Variants in RTN3 observed in about 807,000 individuals in gnomAD.
The protein encoded by RTN3 is reticulon 3.
RTN3 carries 49 observed loss-of-function variants against 77.8 expected under a neutral mutation model. The ratio of observed to expected loss-of-function variants is 0.63; its 90% CI spans 0.50 to 0.80. RTN3 has a LOEUF of 0.80. RTN3 is among the 30% of genes least tolerant of loss of function. RTN3 has a pLI of 0.00. For missense variants in RTN3, 1,236 were observed against 1,211.9 expected (o/e 1.02, Z -0.29); for synonymous variants, 464 against 446.9 (o/e 1.04, Z -0.48).
intron 1 of RTN3, among the ~76,000 whole-genome samples, chr11:63,693,629 C>T (rs1226984869): frequency 2.0e-5 from 3 of 152,130 alleles, no homozygotes; most frequent in Non-Finnish European, 4.4e-5. Flanking sequence ...TTCTATAAGA[C>T]CTCTATGGAA....
At chr11:63,745,812 G>GCA (rs543576559) in intron 3 of RTN3, among the ~76,000 whole-genome samples, 4 of 152,216 alleles carry the variant, frequency 2.6e-5, no homozygotes, top group Admixed American at 2.6e-4. Flanking sequence ...TTTCTAGTTT[G>GCA]CACAAAGGTC....
In RTN3 at chr11:63,720,142, G is replaced by A; in HGVS notation, c.1640G>A (p.Arg547Lys). 1 of 1,613,580 alleles carries A rather than the reference G, an allele frequency of 6.2e-7. No homozygotes were observed. Among genetic ancestry groups the A allele is most frequent in the Non-Finnish European group, 8.5e-7 (1 of 1,179,902 alleles). Residue 547 changes from arginine to lysine, a missense_variant, in exon 3 of 9, where the codon AGA becomes AAA. By Grantham distance (26) the Arg-to-Lys change is conservative. Around this residue, in one of 3 missense-constraint regions of RTN3, gnomAD observed 1,056 missense variants for 990.4 expected, o/e 1.07. Coordinates refer to ENST00000377819, the MANE Select transcript of RTN3 (RefSeq NM_001265589.2). The part of the protein sequence containing the change: ...REIKEIPSCE[R>K]EEKTSKNFEE... ...ATCAAAGAGATTCCCAGTTGTGAGA[G>A]AGAAGAAAAAACATCTAAAAACTTT...
At position 63,681,562 on chromosome 11, in the gene RTN3, G is replaced by A. The variant is rs1025390349; in HGVS notation, c.-75G>A. 3.5e-6 allele frequency: 5 copies of A among 1,440,102 alleles called. No homozygotes were observed. The African/African-American group carries it at 5.8e-5, about 17-fold the overall frequency. The allele number at this position is 1,440,102 out of a possible 1,614,324, so 89.2% of individuals were successfully genotyped here. A position where few individuals can be genotyped will look rare whatever the true frequency, so the allele number is the denominator to read the frequency against. On this transcript the variant is annotated 5_prime_UTR_variant, in exon 1 of 9. Coordinates refer to ENST00000377819, the MANE Select transcript of RTN3 (RefSeq NM_001265589.2). The stretch of plus-strand genomic sequence containing the variant: ...AGGGACTTGAGCGAGCCAGTTGCCG[G>A]ATTATTCTATTTCCCCTCCCTCTCT...
chr11:63,691,651 T>C (rs1941666327), intron 1 of RTN3, among the ~76,000 whole-genome samples: 3 of 152,190 alleles, frequency 2.0e-5, no homozygotes, highest in Admixed American at 2.0e-4. Context: ...ATCAAAAACC[T>C]TGGAGTTATC....
chr11:63,744,401 A>G (rs953110845), intron 3 of RTN3, among the ~76,000 whole-genome samples: 3 of 152,156 alleles, frequency 2.0e-5, no homozygotes, highest in African/African-American at 7.2e-5. Context: ...CAAATACCAT[A>G]GTTAACTTAC....
chr11:63,697,576 A>G (rs781780532), intron 1 of RTN3, among the ~76,000 whole-genome samples: 1 of 152,014 alleles, frequency 6.6e-6, no homozygotes, highest in Non-Finnish European at 1.5e-5. Flanking sequence ...CCTGGGTTCA[A>G]GCAGTTCTCC....
chr11:63,710,418 A>G (rs1942695377), intron 2 of RTN3, among the ~76,000 whole-genome samples: 1 of 152,142 alleles, frequency 6.6e-6, no homozygotes, highest in Non-Finnish European at 1.5e-5. Context: ...CTCTAGGCAT[A>G]AAAGAGAGAA....
chr11:63,731,563 T>C (rs1375836022), intron 3 of RTN3, among the ~76,000 whole-genome samples: 2 of 152,204 alleles, frequency 1.3e-5, no homozygotes, highest in Non-Finnish European at 2.9e-5. Context: ...TATTAAGTGA[T>C]TTAAACTGAA....
intron 3 of RTN3, among the ~76,000 whole-genome samples, chr11:63,741,204 T>A (rs1260226700): frequency 1.3e-5 from 2 of 148,304 alleles, no homozygotes; most frequent in African/African-American, 2.5e-5. Flanking sequence ...TTTATTTATT[T>A]ATTTATTTAT....
chr11:63,749,058 G>T (rs113170960), intron 3 of RTN3, among the ~76,000 whole-genome samples: 3 of 152,156 alleles, frequency 2.0e-5, no homozygotes, highest in Admixed American at 6.5e-5. Context: ...ACAGCAGGAA[G>T]ATTGCTTGAA....
At chr11:63,684,361 A>C (rs1941254926) in intron 1 of RTN3, among the ~76,000 whole-genome samples, 1 of 151,954 alleles carries the variant, frequency 6.6e-6, no homozygotes, top group Non-Finnish European at 1.5e-5. Flanking sequence ...GTTAGCCAGG[A>C]TGGTCTTGAT....
rs755524124 is a variant in RTN3 at position 63,719,296 on chromosome 11, A to C, written c.794A>C (p.Tyr265Ser). 6.2e-7 allele frequency: 1 copy of C among 1,614,078 alleles called. No individual in the cohort carries two copies. Among genetic ancestry groups the C allele is most frequent in the Non-Finnish European group, 8.5e-7 (1 of 1,180,044 alleles). ...AAFDKEFKDS[Y>S]KESTDDFGSW... ...TTTGACAAAGAATTTAAAGACTCAT[A>C]TAAGGAGAGCACAGATGATTTTGGT... is the stretch of plus-strand genomic sequence containing the variant. The change falls in exon 3 of 9, where the codon TAT becomes TCT. Residue 265 changes from tyrosine to serine, a missense_variant. Physicochemically the swap from Tyr to Ser is moderately radical, Grantham distance 144. Transcript: ENST00000377819.
rs777998073 is a variant in RTN3, at chr11:63,718,956, C to G, written c.454C>G (p.His152Asp). 2.5e-6 allele frequency: 4 copies of G among 1,614,032 alleles called. No homozygotes were observed. Among genetic ancestry groups the G allele is most frequent in the Admixed American group, 3.3e-5 (2 of 59,992 alleles). Residue 152 changes from histidine to aspartate, a missense_variant, in exon 3 of 9, where the codon CAT becomes GAT. By Grantham distance (81) the His-to-Asp change is moderately conservative. Coordinates refer to ENST00000377819, the MANE Select transcript of RTN3 (RefSeq NM_001265589.2). The part of the protein sequence containing the change: ...DSSVSLAAGV[H>D]CDRPSIPASF... ...TTCAGTTTCTCTTGCAGCAGGAGTTCATTGTGACCGTCCTTCTATTCCAGC... is the reference window on the plus strand; with the variant it reads ...TTCAGTTTCTCTTGCAGCAGGAGTTGATTGTGACCGTCCTTCTATTCCAGC...
intron 2 of RTN3, among the ~76,000 whole-genome samples, chr11:63,706,456 A>G (rs1457219475): frequency 6.6e-6 from 1 of 152,146 alleles, no homozygotes; most frequent in Admixed American, 6.6e-5. Context: ...CACCTTAGCC[A>G]TCCACAGTGC....
chr11:63,725,616 T>C (rs2012202374), intron 3 of RTN3, among the ~76,000 whole-genome samples: 1 of 152,016 alleles, frequency 6.6e-6, no homozygotes. Context: ...GCCCAGCTAA[T>C]TTTATTTTTG....
intron 1 of RTN3, among the ~76,000 whole-genome samples, chr11:63,687,551 A>G (rs1941439327): frequency 6.6e-6 from 1 of 152,016 alleles, no homozygotes; most frequent in Non-Finnish European, 1.5e-5. Context: ...TGGAGGTTGC[A>G]GTGAGCCAAG....
intron 3 of RTN3, among the ~76,000 whole-genome samples, chr11:63,725,370 G>T (rs2012172862): frequency 2.0e-5 from 3 of 151,120 alleles, no homozygotes; most frequent in Admixed American, 2.0e-4. Flanking sequence ...TTTTCTTTTG[G>T]TAAGGATTTA....
intron 1 of RTN3, among the ~76,000 whole-genome samples, chr11:63,704,644 A>C (rs936872717): frequency 6.6e-6 from 1 of 152,134 alleles, no homozygotes; most frequent in African/African-American, 2.4e-5. Flanking sequence ...TGAATGGATT[A>C]ACTTTTAGAA....
chr11:63,702,308 T>G (rs1942276858), intron 1 of RTN3, among the ~76,000 whole-genome samples: 1 of 151,304 alleles, frequency 6.6e-6, no homozygotes, highest in African/African-American at 2.4e-5. Context: ...TTTTTTTTGT[T>G]TTTTTGTTTT....
Sources: allele counts gnomAD v4.1 joint callset (sites outside exome capture counted in the v4.1 genomes callset), GRCh38; gene constraint gnomAD v4.1.1; regional missense constraint gnomAD v4.1.1; transcripts MANE v1.5; gene names NCBI Gene and HGNC (gene_info 2026-07-23, HGNC 2026-07-21).